FES: variants seen among roughly 807,000 people sequenced by gnomAD.
The protein encoded by FES is tyrosine-protein kinase Fes/Fps.
A neutral mutation model predicts 109.6 loss-of-function variants in FES; 83 were observed. The observed-to-expected ratio is 0.76, with a 90% CI of 0.63 to 0.91. The LOEUF (loss-of-function observed/expected upper bound fraction) is 0.91, where lower values mean the gene tolerates loss of function less well. FES is among the 40% of genes least tolerant of loss of function. The pLI is 0.00. For synonymous variants in FES, 458 were observed against 442.1 expected (o/e 1.04, Z -0.45); for missense variants, 943 against 1,070.9 (o/e 0.88, Z 1.67).
chr15:90,887,730 G>A (rs1271288530), intron 5 of FES, among the ~76,000 whole-genome samples: 1 of 152,206 alleles, frequency 6.6e-6, no homozygotes, highest in Non-Finnish European at 1.5e-5. Flanking sequence ...GAAGTGGATC[G>A]GGACCTGGGA....
In FES at chr15:90,889,290, C is replaced by A; in HGVS notation, c.669-16C>A. On this transcript the variant is annotated splice_polypyrimidine_tract_variant and intron_variant, in intron 5 of 18. Transcript: ENST00000328850. The surrounding 1 kb of genome is among the most constrained non-coding windows in gnomAD (Gnocchi z 6.1). ...GCCTGAGGCTCCCCTGACTGGGGAT[C>A]CCGTCTCGGGGGCAGGAAGGAGATC... is the stretch of plus-strand genomic sequence containing the variant. The A allele has an allele frequency of 6.2e-7, 1 of 1,612,118 alleles. No homozygotes were observed. Among genetic ancestry groups the A allele is most frequent in the Non-Finnish European group, 8.5e-7 (1 of 1,179,390 alleles).
In FES at chr15:90,895,681, C is replaced by A; in HGVS notation, c.*123C>A. On this transcript the variant is annotated 3_prime_UTR_variant, in exon 19 of 19. Coordinates refer to ENST00000328850, the MANE Select transcript of FES (RefSeq NM_002005.4). The stretch of plus-strand genomic sequence containing the variant: ...ACTCCTGCCACCAGCATCCACACTG[C>A]CGGCAGGATGCAGCGCCGTGTCCTC... The A allele has an allele frequency of 2.4e-6, 2 of 849,404 alleles. No individual in the cohort carries two copies. The highest frequency in any genetic ancestry group is 3.1e-5 in the East Asian group (1 of 32,066). The allele number at this position is 849,404 out of a possible 1,614,324, so 52.6% of individuals were successfully genotyped here.
rs549363539 is a variant in FES at position 90,893,314 on chromosome 15, C to T, written c.1945C>T (p.Arg649Cys). The change falls in exon 16 of 19, where the codon CGC becomes TGC. Residue 649 changes from arginine to cysteine, a missense_variant. Transcript: ENST00000328850. ...AGGGGGCGACTTCCTGACCTTCCTCCGCACGGAGGGGGCCCGCCTGCGGGT... is the reference window on the plus strand; with the variant it reads ...AGGGGGCGACTTCCTGACCTTCCTCTGCACGGAGGGGGCCCGCCTGCGGGT... ...VQGGDFLTFLRTEGARLRVKT... is the reference protein window; with the variant it reads ...VQGGDFLTFLCTEGARLRVKT... 1.7e-5 allele frequency: 27 copies of T among 1,572,304 alleles called. No individual in the cohort carries two copies. Among genetic ancestry groups the T allele is most frequent in the Middle Eastern group, 1.8e-4 (1 of 5,702 alleles).
In FES at chr15:90,889,169, C is replaced by T. The variant is rs1045662144; in HGVS notation, c.669-137C>T. On this transcript the variant is annotated intron_variant, in intron 5 of 18. Coordinates refer to ENST00000328850, the MANE Select transcript of FES (RefSeq NM_002005.4). This position sits in a 1 kb window ranked among gnomAD's most constrained non-coding sequence, Gnocchi z 6.1. ...ATTAGGGAGAGGTTAAATAATTTGCCTAGAGTGGCATGGCTAGCTCGAAGT... is the reference window on the plus strand; with the variant it reads ...ATTAGGGAGAGGTTAAATAATTTGCTTAGAGTGGCATGGCTAGCTCGAAGT... 31 of 1,110,918 alleles carry T rather than the reference C, an allele frequency of 2.8e-5. No individual in the cohort carries two copies. The highest frequency in any genetic ancestry group is 3.7e-5 in the Non-Finnish European group (29 of 779,246). 68.8% of individuals were successfully genotyped at this position (1,110,918 alleles called of 1,614,324 possible). A position where few individuals can be genotyped will look rare whatever the true frequency, so the allele number is the denominator to read the frequency against.
At position 90,884,826 on chromosome 15, in the gene FES, C is replaced by T. The variant is rs2032396565; in HGVS notation, c.-9-211C>T. 2.0e-5 allele frequency: 11 copies of T among 543,148 alleles called. No individual in the cohort carries two copies. In the South Asian group the frequency reaches 2.2e-4, roughly 11 times the overall value. The allele number at this position is 543,148 out of a possible 1,614,324, so 33.6% of individuals were successfully genotyped here. ...AGGTTGGCTCCTGTTCCCGAACGTG[C>T]GGAGGAGACCCTGACGCTAAGGAAG... On this transcript the variant is annotated intron_variant, in intron 1 of 18. Coordinates refer to ENST00000328850, the MANE Select transcript of FES (RefSeq NM_002005.4).
intron 3 of FES, among the ~76,000 whole-genome samples, chr15:90,885,870 C>T (rs541029107): frequency 2.0e-5 from 3 of 152,204 alleles, no homozygotes; most frequent in Admixed American, 6.5e-5. Context: ...GTACTCGCCT[C>T]CACACTGTGC....
rs2032711177 is a variant in FES, at chr15:90,887,065, G to A, written c.484+8G>A. On this transcript the variant is annotated splice_region_variant and intron_variant, in intron 4 of 18. Coordinates refer to ENST00000328850, the MANE Select transcript of FES (RefSeq NM_002005.4). ...ACCAGGAGGCCAGCAAAGGTTCGTG[G>A]CTTCCCTTGCTGGCAGGGAGGGAAT... 1 of 1,613,934 alleles carries A rather than the reference G, an allele frequency of 6.2e-7. No individual in the cohort carries two copies.
chr15:90,893,523 G>A, intron 16 of FES, 109 bp downstream of exon 16: 1 of 1,489,370 alleles, frequency 6.7e-7, no homozygotes, highest in Non-Finnish European at 8.9e-7. Flanking sequence ...TCCAGAGGGG[G>A]AGTTGGCCTC....
At chr15:90,892,656 A>C in intron 13 of FES, 51 bp from the exon 14 acceptor site, 24 of 1,520,452 alleles carry the variant, frequency 1.6e-5, no homozygotes, top group Middle Eastern at 2.3e-4. Context: ...GAAGCGGAGA[A>C]GAGAACTGCG....
chr15:90,890,561 C>A, intron 10 of FES, 77 bp downstream of exon 10: 1 of 1,307,450 alleles, frequency 7.6e-7, no homozygotes, highest in Non-Finnish European at 1.1e-6. Context: ...AGAGGAGGCT[C>A]TGCCCAGGCT....
At chr15:90,888,637 CAG>C (rs2032891423) in intron 5 of FES, among the ~76,000 whole-genome samples, 1 of 152,054 alleles carries the variant, frequency 6.6e-6, no homozygotes, top group Non-Finnish European at 1.5e-5. Flanking sequence ...ATAGAGGAGT[CAG>C]GGGTCACTCT....
In FES at chr15:90,893,234, C is replaced by G. The variant is rs766608681; in HGVS notation, c.1921+40C>G. 15 of 1,613,392 alleles carry G rather than the reference C, an allele frequency of 9.3e-6. No individual in the cohort carries two copies. In the South Asian group the frequency reaches 1.5e-4, roughly 17 times the overall value. On this transcript the variant is annotated intron_variant, in intron 15 of 18. Transcript: ENST00000328850. ...CTGAGCTCCAGGTAGGGCGCGCAGCCTGGTCAGGTGGCAGCCTTACCTCAG... is the reference window on the plus strand; with the variant it reads ...CTGAGCTCCAGGTAGGGCGCGCAGCGTGGTCAGGTGGCAGCCTTACCTCAG...
chr15:90,891,957 G>A (rs1194038018), intron 12 of FES, 101 bp from the exon 13 acceptor site: 3 of 1,419,594 alleles, frequency 2.1e-6, no homozygotes, highest in African/African-American at 2.8e-5. Context: ...CCCACCCCTG[G>A]TCACATATGG....
rs1460330846 is a variant in FES, at chr15:90,890,199, C to T, written c.1157C>T (p.Thr386Ile). The T allele has an allele frequency of 6.2e-7, 1 of 1,602,136 alleles. No individual in the cohort carries two copies. Among genetic ancestry groups the T allele is most frequent in the East Asian group, 2.2e-5 (1 of 44,758 alleles). ...KLQAQQELLQ[T>I]KLEHLGPGEP... Reference sequence around the variant, plus strand: ...CAGGCCCAGCAGGAGTTGCTGCAGACCAAGCTGGAGCACCTGGGCCCCGGC... The same window carrying T: ...CAGGCCCAGCAGGAGTTGCTGCAGATCAAGCTGGAGCACCTGGGCCCCGGC... Residue 386 changes from threonine to isoleucine, a missense_variant, in exon 9 of 19, where the codon ACC becomes ATC. Transcript: ENST00000328850.
chr15:90,885,311 C>T, intron 2 of FES, 53 bp downstream of exon 2: 3 of 1,602,084 alleles, frequency 1.9e-6, no homozygotes, highest in South Asian at 1.1e-5. Flanking sequence ...CTTCTCCTTC[C>T]TCTCCTGGGG....
At chr15:90,890,047 C>G (rs370382976) in intron 8 of FES, 45 bp from the exon 9 acceptor site, 54 of 1,576,388 alleles carry the variant, frequency 3.4e-5, no homozygotes, top group Admixed American at 1.2e-4. Context: ...CGCCGCAGAC[C>G]GAGCCCTTAT....
In FES at chr15:90,884,761, T is replaced by C. The variant is rs2032384469; in HGVS notation, c.-10+217T>C. Reference sequence around the variant, plus strand: ...GAGGACCTGGGCAAGGGTGTCCCTGTAAGGGGTGGTGGGTGGAAGGGCCTG... The same window carrying C: ...GAGGACCTGGGCAAGGGTGTCCCTGCAAGGGGTGGTGGGTGGAAGGGCCTG... On this transcript the variant is annotated intron_variant, in intron 1 of 18. Transcript: ENST00000328850. 8.2e-6 allele frequency: 3 copies of C among 364,276 alleles called. No homozygotes were observed. The Admixed American group carries it at 1.3e-4, about 16-fold the overall frequency. 22.6% of individuals were successfully genotyped at this position (364,276 alleles called of 1,614,324 possible).
At chr15:90,891,435 G>T (rs919135458) in intron 11 of FES, 119 bp from the exon 12 acceptor site, 2 of 1,387,570 alleles carry the variant, frequency 1.4e-6, no homozygotes, top group Non-Finnish European at 2.0e-6. Flanking sequence ...TTTTCTGGAG[G>T]TCTCTCTGCC....
At position 90,890,445 on chromosome 15, in the gene FES, T is replaced by C; in HGVS notation, c.1281T>C (p.Leu427=). ...GAAGGACACCCACGCTGGAGATCCT[T>C]AAGAGCCACATCTCAGGAATCTTCC... is the stretch of plus-strand genomic sequence containing the variant. ...EGGRTPTLEI[L]KSHISGIFRP... Residue 427 remains leucine, a synonymous_variant, in exon 10 of 19, where the codon CTT becomes CTC. Transcript: ENST00000328850. 1 of 1,612,316 alleles carries C rather than the reference T, an allele frequency of 6.2e-7. No individual in the cohort carries two copies. Among genetic ancestry groups the C allele is most frequent in the Non-Finnish European group, 8.5e-7 (1 of 1,179,792 alleles).
Sources: gnomAD v4.1 joint callset for allele counts (sites outside exome capture counted in the v4.1 genomes callset) on GRCh38, gnomAD v4.1.1 for gene constraint, Gnocchi (gnomAD v3.1) non-coding constraint, MANE v1.5 for transcripts, NCBI Gene and HGNC (gene_info 2026-07-23, HGNC 2026-07-21) for gene names.